The following NEB variants were observed in gnomAD, a reference collection of about 807,000 sequenced individuals.
NEB encodes the protein nebulin.
A neutral mutation model predicts 952.2 loss-of-function variants in NEB; 512 were observed. The observed-to-expected ratio is 0.54, with a 90% CI of 0.50 to 0.58. NEB has a LOEUF of 0.58. Among genes scored for constraint, NEB ranks in the 20% least tolerant of loss-of-function variants. NEB has a pLI of 0.00. For missense variants in NEB, 8,428 were observed against 9,231.1 expected (o/e 0.91, Z 3.56); for synonymous variants, 2,900 against 3,149.8 (o/e 0.92, Z 2.66).
In NEB at chr2:151,621,024, G is replaced by A; in HGVS notation, c.10455C>T (p.Ser3485=). ...ARQNKINYSE[S]LYRQAMEEAK... ...CTTCTTCCATGGCCTGACGATAGAGGCTCTGAGGAAAGAAGGAGTAGCTTT... is the reference window on the plus strand; with the variant it reads ...CTTCTTCCATGGCCTGACGATAGAGACTCTGAGGAAAGAAGGAGTAGCTTT... The change falls in exon 72 of 182, where the codon AGC becomes AGT. Residue 3485 remains serine (S), a splice_region_variant and synonymous_variant. Coordinates refer to ENST00000397345, the MANE Select transcript of NEB (RefSeq NM_001164508.2). 2 of 1,603,492 alleles carry A rather than the reference G, an allele frequency of 1.2e-6. No homozygotes were observed.
chr2:151,620,347 GTATATATATATATA>G (rs71000481), intron 72 of NEB, among the ~76,000 whole-genome samples: 45 of 48,466 alleles, frequency 9.3e-4, no homozygotes, highest in Middle Eastern at 0.017. Flanking sequence ...GTATGTGTGT[GTATATATATATATA>G]TATATATATA....
At chr2:151,562,542 G>A (rs1469038852) in intron 120 of NEB, 69 bp downstream of exon 120, 16 of 1,396,742 alleles carry the variant, frequency 1.1e-5, no homozygotes, top group Non-Finnish European at 1.5e-5. Flanking sequence ...TGGCAGCCAG[G>A]GTTGGGGGGT....
At chr2:151,692,943 C>T (rs2099570086) in intron 20 of NEB, among the ~76,000 whole-genome samples, 1 of 152,140 alleles carries the variant, frequency 6.6e-6, no homozygotes, top group African/African-American at 2.4e-5. Flanking sequence ...GCACCCCAGC[C>T]TGGATGACAG....
At chr2:151,665,845 A>G (rs2099209577) in intron 41 of NEB, among the ~76,000 whole-genome samples, 1 of 152,186 alleles carries the variant, frequency 6.6e-6, no homozygotes, top group African/African-American at 2.4e-5. Context: ...TGAGCCTCCT[A>G]ATTTTTCATA....
At chr2:151,712,841 C>T (rs1020442414) in intron 10 of NEB, among the ~76,000 whole-genome samples, 2 of 152,050 alleles carry the variant, frequency 1.3e-5, no homozygotes, top group Non-Finnish European at 2.9e-5. Context: ...GGGTTACTCA[C>T]GTCAGGGTCC....
At chr2:151,681,776 T>C (rs1297885669) in intron 29 of NEB, among the ~76,000 whole-genome samples, 2 of 152,142 alleles carry the variant, frequency 1.3e-5, no homozygotes, top group Admixed American at 1.3e-4. Flanking sequence ...CTTATGAGCC[T>C]CAAGATCATC....
intron 38 of NEB, 127 bp downstream of exon 38, chr2:151,670,896 T>C (rs1432577382): frequency 1.0e-6 from 1 of 979,448 alleles, no homozygotes; most frequent in East Asian, 2.6e-5. Flanking sequence ...CTTTCTCTCA[T>C]ACCTATGAAA....
Position 151,562,125 on chromosome 2 carries a change from G to GT in NEB, c.18980dup (p.Tyr6327Ter). Residue 6327 changes from tyrosine to a stop codon, truncating the protein, a stop_gained and frameshift_variant, in exon 121 of 182, where the codon TAC becomes TAAC. Coordinates refer to ENST00000397345, the MANE Select transcript of NEB (RefSeq NM_001164508.2). LOFTEE classifies it high-confidence loss of function. ...TPQILHAKKS[Y>*]DLQSQLQYTA... The stretch of plus-strand genomic sequence containing the variant: ...GGTGGCTCACCTGACTCTGAAGGTC[G>GT]TATGATTTCTTGGCATGGAGGATTT... 6.2e-7 allele frequency: 1 copy of GT among 1,613,314 alleles called. No homozygotes were observed. Among genetic ancestry groups the GT allele is most frequent in the Non-Finnish European group, 8.5e-7 (1 of 1,179,368 alleles).
At chr2:151,525,419 TTC>T in intron 150 of NEB, 146 bp from the exon 151 acceptor site, 1 of 632,526 alleles carries the variant, frequency 1.6e-6, no homozygotes, top group Non-Finnish European at 2.8e-6. Context: ...ATTCTAGTTC[TTC>T]TCTGTCATTT....
At chr2:151,629,438 C>G in intron 68 of NEB, 101 bp downstream of exon 68, 1 of 961,842 alleles carries the variant, frequency 1.0e-6, no homozygotes. Flanking sequence ...GAAAAACAAG[C>G]CAATAAATGT....
At chr2:151,716,564 T>C (rs2099759877) in intron 10 of NEB, among the ~76,000 whole-genome samples, 1 of 152,186 alleles carries the variant, frequency 6.6e-6, no homozygotes, top group Non-Finnish European at 1.5e-5. Context: ...TACTAGATCC[T>C]TTATCCAAAC....
Position 151,502,851 on chromosome 2 carries a change from G to T in NEB, c.23870C>A (p.Pro7957Gln). 6.2e-7 allele frequency: 1 copy of T among 1,606,062 alleles called. No homozygotes were observed. The highest frequency in any genetic ancestry group is 1.3e-5 in the African/African-American group (1 of 74,424). The change falls in exon 167 of 182, where the codon CCA becomes CAA. Residue 7957 changes from proline to glutamine, a missense_variant. Pro to Gln is a moderately conservative substitution (Grantham distance 76, BLOSUM62 -1). Coordinates refer to ENST00000397345, the MANE Select transcript of NEB (RefSeq NM_001164508.2). ...CTCCATCTCTGGAGTGATAGGTGTT[G>T]GGATTCCTTTCCCCAAATTTTCTTT... is the stretch of plus-strand genomic sequence containing the variant. ...LYKENLGKGI[P>Q]TPITPEMERV...
chr2:151,675,338 A>G lies in NEB; in HGVS notation c.3828T>C (p.Pro1276=). The change falls in exon 35 of 182, where the codon CCT becomes CCC. Residue 1276 remains proline (P), a synonymous_variant. Coordinates refer to ENST00000397345, the MANE Select transcript of NEB (RefSeq NM_001164508.2). ...TGGCCTGGAGAAACTGAGGAAGATC[A>G]GGACTCATGGTGTATTTATGTTTCA... ...EDVKHKYTMS[P]DLPQFLQAKC... 2 of 1,595,100 alleles carry G rather than the reference A, an allele frequency of 1.3e-6. No homozygotes were observed. Among genetic ancestry groups the G allele is most frequent in the Admixed American group, 1.7e-5 (1 of 57,550 alleles).
intron 159 of NEB, 48 bp downstream of exon 159, chr2:151,514,270 G>C (rs1245223291): frequency 2.4e-5 from 32 of 1,325,882 alleles, no homozygotes; most frequent in Non-Finnish European, 3.5e-5. Context: ...GGCTAACAAA[G>C]AAATGATGCT....
At chr2:151,643,390 C>G (rs777202159) in intron 57 of NEB, 37 bp from the exon 58 acceptor site, 1 of 1,517,906 alleles carries the variant, frequency 6.6e-7, no homozygotes, top group Non-Finnish European at 9.0e-7. Context: ...ATAATTAAAT[C>G]ATTTATCACA....
chr2:151,666,478 A>C, intron 40 of NEB, 77 bp from the exon 41 acceptor site: 1 of 1,397,442 alleles, frequency 7.2e-7, no homozygotes, highest in Non-Finnish European at 9.6e-7. Context: ...CAACAAATTA[A>C]GCAAAAGCCA....
rs143470269 is a variant in NEB, at chr2:151,512,328, C to T, written c.23346+405G>A. Among the ~76,000 whole-genome samples the T allele has an allele frequency of 1.7e-3, 264 of 151,936 alleles. 2 individuals are homozygous for T. The South Asian group carries it at 0.031, about 18-fold the overall frequency. On this transcript the variant is annotated intron_variant, in intron 161 of 181. Transcript: ENST00000397345. ...GGAATACAGGCATGAGCCACCATGC[C>T]GGGCTTCTCTCTTTTTTTTTTAAGA...
intron 25 of NEB, among the ~76,000 whole-genome samples, chr2:151,688,060 G>A (rs974946208): frequency 5.3e-5 from 8 of 152,110 alleles, no homozygotes; most frequent in African/African-American, 1.9e-4. Flanking sequence ...AAAACTCCAG[G>A]GAATAGTAGA....
chr2:151,664,470 A>G, intron 44 of NEB, 31 bp downstream of exon 44: 1 of 1,487,292 alleles, frequency 6.7e-7, no homozygotes, highest in Non-Finnish European at 9.0e-7. Context: ...TTACTTGCTC[A>G]ACCCCAAAAA....
Sources: allele counts gnomAD v4.1 joint callset (sites outside exome capture counted in the v4.1 genomes callset), GRCh38; gene constraint gnomAD v4.1.1; transcripts MANE v1.5; gene names NCBI Gene and HGNC (gene_info 2026-07-23, HGNC 2026-07-21).